The following TBCK variants were observed in gnomAD, a reference collection of about 807,000 sequenced individuals.
The protein encoded by TBCK is TBC domain-containing protein kinase-like protein.
A neutral mutation model predicts 113.4 loss-of-function variants in TBCK; 99 were observed. The ratio of observed to expected loss-of-function variants is 0.87; its 90% CI spans 0.74 to 1.03. The LOEUF is 1.03. TBCK is among the 50% of genes least tolerant of loss of function. The pLI is 0.00. For missense variants in TBCK, 1,045 were observed against 1,061.3 expected (o/e 0.98, Z 0.21); for synonymous variants, 369 against 370.8 (o/e 1.00, Z 0.05).
At chr4:106,310,881 A>C (rs1361774941) in intron 1 of TBCK, among the ~76,000 whole-genome samples, 1 of 149,660 alleles carries the variant, frequency 6.7e-6, no homozygotes, top group Non-Finnish European at 1.5e-5. Flanking sequence ...TCTAACAAAC[A>C]TAGAGAGATT....
At chr4:106,290,325 C>T (rs1765563413) in intron 3 of TBCK, among the ~76,000 whole-genome samples, 2 of 152,016 alleles carry the variant, frequency 1.3e-5, no homozygotes, top group African/African-American at 4.8e-5. Context: ...CTACAGGCGC[C>T]TGCCACCACG....
intron 24 of TBCK, among the ~76,000 whole-genome samples, chr4:106,108,556 C>T (rs1742455340): frequency 6.6e-6 from 1 of 152,168 alleles, no homozygotes; most frequent in Non-Finnish European, 1.5e-5. Flanking sequence ...TAAAATTCAA[C>T]ATCTGTTCAC....
At chr4:106,140,338 A>G (rs1209743306) in intron 23 of TBCK, among the ~76,000 whole-genome samples, 1 of 141,206 alleles carries the variant, frequency 7.1e-6, no homozygotes, top group Non-Finnish European at 1.6e-5. Context: ...GAGATATTTG[A>G]ATGTGTTTAC....
At chr4:106,061,421 G>A (rs527380420) in intron 25 of TBCK, among the ~76,000 whole-genome samples, 54 of 146,472 alleles carry the variant, frequency 3.7e-4, no homozygotes, top group Non-Finnish European at 6.4e-4. Flanking sequence ...GAGAAGGCTT[G>A]GGTGACTGTT....
chr4:106,240,395 G>GA (rs1759962489), intron 12 of TBCK, among the ~76,000 whole-genome samples: 1 of 151,508 alleles, frequency 6.6e-6, no homozygotes, highest in African/African-American at 2.4e-5. Flanking sequence ...GGAAATGAAG[G>GA]AAAAAACCCT....
intron 23 of TBCK, among the ~76,000 whole-genome samples, chr4:106,158,564 G>A (rs1749385140): frequency 6.6e-6 from 1 of 152,066 alleles, no homozygotes; most frequent in Non-Finnish European, 1.5e-5. Flanking sequence ...AAGTAGTTAA[G>A]TTCTTAGAAA....
rs561087264 is a variant in TBCK at position 106,312,153 on chromosome 4, T to G, written c.-29-3164A>C. Among the ~76,000 whole-genome samples, 13 of 152,218 alleles carry G rather than the reference T, an allele frequency of 8.5e-5. No homozygotes were observed. The South Asian group carries it at 2.5e-3, about 29-fold the overall frequency. ...AAAAATTCGAGTTAAAGGGAAATATTATTTACATCTGTCTGTATATACATA... is the reference window on the plus strand; with the variant it reads ...AAAAATTCGAGTTAAAGGGAAATATGATTTACATCTGTCTGTATATACATA... On this transcript the variant is annotated intron_variant, in intron 1 of 25. Transcript: ENST00000394708.
chr4:106,122,358 G>T lies in TBCK; in HGVS notation c.2236-5980C>A, dbSNP rs1578967825. On this transcript the variant is annotated intron_variant, in intron 23 of 25. Coordinates refer to ENST00000394708, the MANE Select transcript of TBCK (RefSeq NM_001163435.3). ...TGAATCTCTGAATAGACCAATAACA[G>T]GAGCTGAAATTGTGGCAATAATCAA... Among the ~76,000 whole-genome samples the T allele has an allele frequency of 2.0e-5, 3 of 152,114 alleles. No individual in the cohort carries two copies. The South Asian group carries it at 6.2e-4, about 31-fold the overall frequency.
At chr4:106,252,294 C>T (rs1283051840) in intron 5 of TBCK, among the ~76,000 whole-genome samples, 1 of 152,064 alleles carries the variant, frequency 6.6e-6, no homozygotes, top group Admixed American at 6.6e-5. Context: ...TCTAGGCTTC[C>T]AAGTGTTTTT....
intron 3 of TBCK, among the ~76,000 whole-genome samples, chr4:106,286,839 T>C (rs961448573): frequency 7.2e-6 from 1 of 139,298 alleles, no homozygotes; most frequent in African/African-American, 2.8e-5. Context: ...GTGATCGCAC[T>C]ACTGCACTCC....
chr4:106,104,741 T>G (rs1741942682), intron 24 of TBCK, among the ~76,000 whole-genome samples: 1 of 152,224 alleles, frequency 6.6e-6, no homozygotes, highest in Non-Finnish European at 1.5e-5. Context: ...ATAGGTGCCT[T>G]TAAACCACCA....
intron 20 of TBCK, among the ~76,000 whole-genome samples, chr4:106,201,767 G>A (rs1202424785): frequency 1.3e-5 from 2 of 151,996 alleles, no homozygotes; most frequent in Non-Finnish European, 2.9e-5. Flanking sequence ...CTACAAAGAG[G>A]AGTCCCTTTC....
chr4:106,215,498 T>C (rs6533242), intron 19 of TBCK, among the ~76,000 whole-genome samples: 91,104 of 151,808 alleles, frequency 0.6, 27,599 homozygotes, highest in Non-Finnish European at 0.64. Flanking sequence ...ACACATAGGC[T>C]AAAAATAAAA....
At chr4:106,241,383 G>A (rs1760122954) in intron 12 of TBCK, among the ~76,000 whole-genome samples, 1 of 151,758 alleles carries the variant, frequency 6.6e-6, no homozygotes, top group South Asian at 2.1e-4. Context: ...TTTTTATGAA[G>A]TTCTTTATGA....
At chr4:106,077,370 G>A (rs72677308) in intron 25 of TBCK, among the ~76,000 whole-genome samples, 4,797 of 152,304 alleles carry the variant, frequency 0.031, 108 homozygotes, top group Middle Eastern at 0.078. Context: ...AAATGGTATA[G>A]AGTGTCAAGG....
In TBCK at chr4:106,108,799, G is replaced by C. The variant is rs576097501; in HGVS notation, c.2411+7404C>G. 9.3e-4 allele frequency among the ~76,000 whole-genome samples: 141 copies of C among 152,232 alleles called. 1 individual carries two copies. The South Asian group carries it at 0.028, about 30-fold the overall frequency. On this transcript the variant is annotated intron_variant, in intron 24 of 25. Transcript: ENST00000394708. ...GAAAGAAATAAAGCTCATTCGAATA[G>C]GAAGGGAAGAAGTCAAACTATCTCT...
At chr4:106,075,970 C>T (rs368113640) in intron 25 of TBCK, among the ~76,000 whole-genome samples, 1 of 152,200 alleles carries the variant, frequency 6.6e-6, no homozygotes, top group Non-Finnish European at 1.5e-5. Context: ...CAAAAGCCTT[C>T]GGAGCTCACT....
At chr4:106,291,321 CCTT>C (rs1765687059) in intron 3 of TBCK, among the ~76,000 whole-genome samples, 1 of 152,106 alleles carries the variant, frequency 6.6e-6, no homozygotes, top group Non-Finnish European at 1.5e-5. Context: ...TCACTGGAGA[CCTT>C]CTTTAAAAAG....
intron 23 of TBCK, among the ~76,000 whole-genome samples, chr4:106,127,051 T>C (rs774558245): frequency 1.3e-5 from 2 of 151,188 alleles, no homozygotes; most frequent in Admixed American, 6.6e-5. Flanking sequence ...CTACCAAAAA[T>C]ACAAAAATTA....
Sources: allele counts gnomAD v4.1 joint callset (sites outside exome capture counted in the v4.1 genomes callset), GRCh38; gene constraint gnomAD v4.1.1; transcripts MANE v1.5; gene names NCBI Gene and HGNC (gene_info 2026-07-23, HGNC 2026-07-21).